Variants in BICC1 observed in about 807,000 individuals in gnomAD.
BICC1 encodes BicC family RNA binding protein 1, also known as protein bicaudal C homolog 1.
BICC1 carries 43 observed loss-of-function variants against 111.0 expected under a neutral mutation model. That is an observed-to-expected ratio of 0.39 (90% CI 0.30 to 0.50). BICC1 has a LOEUF of 0.50. BICC1 is among the 20% of genes least tolerant of loss of function. The probability of loss-of-function intolerance (pLI) is 0.88; values close to 1 mark genes in which losing one functional copy is unlikely to be tolerated. For missense variants in BICC1, 1,091 were observed against 1,203.2 expected, an observed-to-expected ratio of 0.91 and a Z score of 1.38; for synonymous variants, 467 against 434.4, an observed-to-expected ratio of 1.07 and a Z score of -0.93.
chr10:58,646,151 C>T (rs1838263222), intron 2 of BICC1, among the ~76,000 whole-genome samples: 1 of 151,558 alleles, frequency 6.6e-6, no homozygotes, highest in Admixed American at 6.6e-5. Flanking sequence ...TTGTTTTCCA[C>T]TACTTGTCCA....
At chr10:58,614,424 G>A (rs1281692969) in intron 1 of BICC1, among the ~76,000 whole-genome samples, 3 of 152,158 alleles carry the variant, frequency 2.0e-5, no homozygotes, top group African/African-American at 7.2e-5. Flanking sequence ...GTAAAATCAG[G>A]CTCAGATTTA....
At chr10:58,751,489 T>A (rs1841989811) in intron 3 of BICC1, among the ~76,000 whole-genome samples, 1 of 152,166 alleles carries the variant, frequency 6.6e-6, no homozygotes, top group South Asian at 2.1e-4. Context: ...ATACCTGGGA[T>A]ATGTTTTGTA....
intron 2 of BICC1, chr10:58,648,646 A>G: frequency 3.0e-6 from 3 of 985,078 alleles, no homozygotes; most frequent in Non-Finnish European, 3.6e-6. Flanking sequence ...AGGATCTCAT[A>G]TCTTTAGGCA....
intron 2 of BICC1, among the ~76,000 whole-genome samples, chr10:58,637,327 T>G (rs924435793): frequency 6.6e-6 from 1 of 152,240 alleles, no homozygotes. Context: ...ACTGATAGGC[T>G]GTGGTTAGAT....
At chr10:58,566,157 T>TGTGTGTGTATATATACATATACACAC (rs1843749047) in intron 1 of BICC1, among the ~76,000 whole-genome samples, 4 of 151,324 alleles carry the variant, frequency 2.6e-5, no homozygotes, top group African/African-American at 9.7e-5. Context: ...GATGTGTGTG[T>TGTGTGTGTATATATACATATACACAC]GTGTGTATAT....
intron 2 of BICC1, among the ~76,000 whole-genome samples, chr10:58,622,979 G>A (rs1193957259): frequency 1.3e-5 from 2 of 152,152 alleles, no homozygotes; most frequent in Non-Finnish European, 2.9e-5. Flanking sequence ...ACTTTGAGGT[G>A]TGCATGACAA....
intron 3 of BICC1, among the ~76,000 whole-genome samples, chr10:58,709,592 T>A (rs552056866): frequency 6.6e-6 from 1 of 152,218 alleles, no homozygotes; most frequent in Non-Finnish European, 1.5e-5. Context: ...AACTCAATCA[T>A]GGAAACAGTG....
Position 58,540,752 on chromosome 10 carries a change from A to C in BICC1, c.190+27419A>C, listed in dbSNP as rs72800547. Reference sequence around the variant, plus strand: ...TAGAGGAGGAAACGCTTGCAAACTCATTCTACAAGGTCAACATTACTCTGA... The same window carrying C: ...TAGAGGAGGAAACGCTTGCAAACTCCTTCTACAAGGTCAACATTACTCTGA... On this transcript the variant is annotated intron_variant, in intron 1 of 20. Transcript: ENST00000373886. 1.3e-3 allele frequency among the ~76,000 whole-genome samples: 198 copies of C among 152,170 alleles called. 1 individual carries two copies. Among genetic ancestry groups the C allele is most frequent in the Non-Finnish European group, 2.5e-3 (168 of 67,958 alleles).
intron 3 of BICC1, among the ~76,000 whole-genome samples, chr10:58,743,119 G>A (rs1461790045): frequency 6.6e-6 from 1 of 152,176 alleles, no homozygotes; most frequent in Non-Finnish European, 1.5e-5. Flanking sequence ...TTCGGGTGGT[G>A]GTGGTTGTTC....
intron 2 of BICC1, among the ~76,000 whole-genome samples, chr10:58,627,576 T>C (rs530369725): frequency 3.3e-5 from 5 of 152,336 alleles, no homozygotes; most frequent in Admixed American, 2.0e-4. Context: ...ACTGATAATA[T>C]GCAAACGTAA....
At chr10:58,729,510 T>G (rs1388696955) in intron 3 of BICC1, among the ~76,000 whole-genome samples, 2 of 152,336 alleles carry the variant, frequency 1.3e-5, no homozygotes, top group East Asian at 3.9e-4. Flanking sequence ...TAAAACTTTC[T>G]TCATATCAGC....
intron 18 of BICC1, 113 bp downstream of exon 18, chr10:58,814,099 C>A: frequency 8.4e-7 from 1 of 1,191,800 alleles, no homozygotes; most frequent in African/African-American, 1.5e-5. Context: ...TGGTGTAATT[C>A]ACATGCCATC....
rs1317491916 is a variant in BICC1, at chr10:58,801,011, G to C, written c.1980G>C (p.Val660=). 1 of 1,610,830 alleles carries C rather than the reference G, an allele frequency of 6.2e-7. No individual in the cohort carries two copies. The highest frequency in any genetic ancestry group is 8.5e-7 in the Non-Finnish European group (1 of 1,178,572). The change falls in exon 14 of 21, where the codon GTG becomes GTC. Residue 660 remains valine, a synonymous_variant. Coordinates refer to ENST00000373886, the MANE Select transcript of BICC1 (RefSeq NM_001080512.3). The part of the protein sequence containing the change: ...SKVSCAKRQT[V]ELLQGTKNSH... Reference sequence around the variant, plus strand: ...TTTCCTGTGCCAAAAGGCAGACAGTGGAACTATTGCAAGGCACGAAAAACT... The same window carrying C: ...TTTCCTGTGCCAAAAGGCAGACAGTCGAACTATTGCAAGGCACGAAAAACT...
rs527460922 is a variant in BICC1 at position 58,560,261 on chromosome 10, G to A, written c.190+46928G>A. 9.2e-5 allele frequency among the ~76,000 whole-genome samples: 14 copies of A among 152,012 alleles called. No homozygotes were observed. In the South Asian group the frequency reaches 2.9e-3, roughly 32 times the overall value. On this transcript the variant is annotated intron_variant, in intron 1 of 20. Coordinates refer to ENST00000373886, the MANE Select transcript of BICC1 (RefSeq NM_001080512.3). ...CCTTACTCATTATTAGTTTGTTTAAGTTTTCTATTTCTTCCTGGTTCAATC... is the reference window on the plus strand; with the variant it reads ...CCTTACTCATTATTAGTTTGTTTAAATTTTCTATTTCTTCCTGGTTCAATC...
intron 1 of BICC1, among the ~76,000 whole-genome samples, chr10:58,602,791 G>A (rs1040452627): frequency 1.3e-5 from 2 of 152,150 alleles, no homozygotes; most frequent in African/African-American, 4.8e-5. Flanking sequence ...ATTATGCAAA[G>A]CTATATTTTG....
Position 58,639,101 on chromosome 10 carries a change from A to G in BICC1, c.237+18200A>G, listed in dbSNP as rs557529115. On this transcript the variant is annotated intron_variant, in intron 2 of 20. Coordinates refer to ENST00000373886, the MANE Select transcript of BICC1 (RefSeq NM_001080512.3). Reference sequence around the variant, plus strand: ...TTTGTGGTAAGAACACCTAAAATCTACTCAGCAATTTTCAAGTATAAAATA... The same window carrying G: ...TTTGTGGTAAGAACACCTAAAATCTGCTCAGCAATTTTCAAGTATAAAATA... Among the ~76,000 whole-genome samples the G allele has an allele frequency of 3.9e-5, 6 of 152,246 alleles. No individual in the cohort carries two copies. The East Asian group carries it at 1.2e-3, about 29-fold the overall frequency.
intron 3 of BICC1, among the ~76,000 whole-genome samples, chr10:58,772,829 T>C (rs530870138): frequency 1.3e-5 from 2 of 152,196 alleles, no homozygotes; most frequent in South Asian, 4.1e-4. Flanking sequence ...AGATGTGTAC[T>C]GCATATATCT....
At chr10:58,563,075 G>T (rs1403689188) in intron 1 of BICC1, among the ~76,000 whole-genome samples, 1 of 152,162 alleles carries the variant, frequency 6.6e-6, no homozygotes, top group Admixed American at 6.5e-5. Context: ...GCATGCCTGA[G>T]TCATTGCCGT....
chr10:58,714,732 C>G (rs981429607), intron 3 of BICC1, among the ~76,000 whole-genome samples: 7 of 152,094 alleles, frequency 4.6e-5, no homozygotes, highest in Admixed American at 3.3e-4. Flanking sequence ...CCTGGTTTCT[C>G]TGTTCTGTCA....
Sources: gnomAD v4.1 joint callset for allele counts (sites outside exome capture counted in the v4.1 genomes callset) on GRCh38, gnomAD v4.1.1 for gene constraint, MANE v1.5 for transcripts, NCBI Gene and HGNC (gene_info 2026-07-23, HGNC 2026-07-21) for gene names.